GSG1L: variants seen among roughly 807,000 people sequenced by gnomAD.
The protein encoded by GSG1L is GSG1 like.
Under a neutral mutation model 42.1 loss-of-function variants are expected in GSG1L, and 24 were observed. That is an observed-to-expected ratio of 0.57 (90% CI 0.41 to 0.80). The LOEUF (loss-of-function observed/expected upper bound fraction) is 0.80, where lower values mean the gene tolerates loss of function less well. GSG1L is among the 30% of genes least tolerant of loss of function. GSG1L has a pLI of 0.00. For synonymous variants in GSG1L, 215 were observed against 203.5 expected (o/e 1.06, Z -0.48); for missense variants, 445 against 472.2 (o/e 0.94, Z 0.53).
intron 2 of GSG1L, among the ~76,000 whole-genome samples, chr16:27,931,060 T>C (rs1049357110): frequency 6.6e-6 from 1 of 152,168 alleles, no homozygotes; most frequent in African/African-American, 2.4e-5. Context: ...CCAGCTCTTT[T>C]CTTGAGCTGC....
intron 1 of GSG1L, among the ~76,000 whole-genome samples, chr16:28,021,164 C>T (rs1351428663): frequency 1.3e-5 from 2 of 152,138 alleles, no homozygotes; most frequent in Non-Finnish European, 2.9e-5. Context: ...GCGGGCTATG[C>T]AGGAAGCATG....
At chr16:27,798,411 C>T (rs1484197421) in intron 6 of GSG1L, among the ~76,000 whole-genome samples, 1 of 152,056 alleles carries the variant, frequency 6.6e-6, no homozygotes, top group African/African-American at 2.4e-5. Flanking sequence ...GAAGGGGGCA[C>T]AGCATTTCAT....
intron 1 of GSG1L, among the ~76,000 whole-genome samples, chr16:28,022,098 G>A (rs557463507): frequency 6.6e-6 from 1 of 152,268 alleles, no homozygotes; most frequent in Non-Finnish European, 1.5e-5. Flanking sequence ...GTAGGCTTAG[G>A]TGGCAAAATT....
chr16:28,038,353 G>A (rs205390), intron 1 of GSG1L, among the ~76,000 whole-genome samples: 38,756 of 151,984 alleles, frequency 0.26, 5,467 homozygotes, highest in South Asian at 0.49. Context: ...AGAAACTGAG[G>A]CTCCCAGAGG....
intron 1 of GSG1L, among the ~76,000 whole-genome samples, chr16:28,011,320 C>T (rs1383161313): frequency 2.0e-5 from 3 of 152,226 alleles, no homozygotes; most frequent in South Asian, 2.1e-4. Flanking sequence ...GGGCATCCTC[C>T]GCCCTGGGTT....
intron 4 of GSG1L, among the ~76,000 whole-genome samples, chr16:27,838,276 G>A (rs1046412554): frequency 6.6e-6 from 1 of 152,214 alleles, no homozygotes; most frequent in African/African-American, 2.4e-5. Context: ...GAAAAGGACA[G>A]ATATGAAAAC....
At chr16:27,961,830 G>C (rs1238946926) in intron 2 of GSG1L, among the ~76,000 whole-genome samples, 1 of 152,016 alleles carries the variant, frequency 6.6e-6, no homozygotes, top group Non-Finnish European at 1.5e-5. Flanking sequence ...GAGGCTGCTG[G>C]GGGGTAGGGA....
At chr16:28,022,115 T>G (rs1195929356) in intron 1 of GSG1L, among the ~76,000 whole-genome samples, 1 of 152,136 alleles carries the variant, frequency 6.6e-6, no homozygotes, top group African/African-American at 2.4e-5. Flanking sequence ...AATTATAAAG[T>G]GAGTCAAGGA....
At chr16:28,025,862 T>C (rs753738617) in intron 1 of GSG1L, among the ~76,000 whole-genome samples, 1 of 152,166 alleles carries the variant, frequency 6.6e-6, no homozygotes, top group Non-Finnish European at 1.5e-5. Context: ...AAGTGAAATG[T>C]GACCCAGAGC....
chr16:27,832,202 T>G (rs2083281388), intron 4 of GSG1L, among the ~76,000 whole-genome samples: 1 of 152,216 alleles, frequency 6.6e-6, no homozygotes, highest in Non-Finnish European at 1.5e-5. Context: ...CAAACAGCTG[T>G]AAGAAATGAT....
In GSG1L at chr16:27,807,533, G is replaced by A. The variant is rs770879565; in HGVS notation, c.852C>T (p.Ser284=). The change falls in exon 6 of 7, where the codon AGC becomes AGT. Residue 284 remains serine, a synonymous_variant. Coordinates refer to ENST00000447459, the MANE Select transcript of GSG1L (RefSeq NM_001109763.2). The part of the protein sequence containing the change: ...FRERMEKRDG[S]EEDFHLDCRH... ...GGCAGTCTAAGTGAAAGTCCTCCTC[G>A]CTCCCGTCCCTCTTCTCCATCCTGG... 1.1e-5 allele frequency: 18 copies of A among 1,611,980 alleles called. No homozygotes were observed. The East Asian group carries it at 1.6e-4, about 14-fold the overall frequency.
At chr16:27,807,696 G>T (rs1050473816) in intron 5 of GSG1L, 142 bp from the exon 6 acceptor site, 1 of 652,784 alleles carries the variant, frequency 1.5e-6, no homozygotes, top group Non-Finnish European at 2.6e-6. Flanking sequence ...CTGCCCTGGG[G>T]GATTTTGACC....
At chr16:27,948,328 G>A (rs931573817) in intron 2 of GSG1L, among the ~76,000 whole-genome samples, 1 of 151,682 alleles carries the variant, frequency 6.6e-6, no homozygotes, top group Non-Finnish European at 1.5e-5. Flanking sequence ...AGTGGGCCTG[G>A]CATGTTGCTA....
intron 5 of GSG1L, among the ~76,000 whole-genome samples, chr16:27,813,757 A>G (rs58819050): frequency 0.032 from 4,890 of 152,300 alleles, 171 homozygotes; most frequent in Admixed American, 0.078. Flanking sequence ...AGTGCCCCCA[A>G]TGGCGGGGCT....
chr16:27,940,798 G>A (rs377577739), intron 2 of GSG1L, among the ~76,000 whole-genome samples: 1 of 150,682 alleles, frequency 6.6e-6, no homozygotes, highest in African/African-American at 2.4e-5. Context: ...GCACATGTAT[G>A]CAGATGTAAC....
At position 28,036,466 on chromosome 16, in the gene GSG1L, CT is replaced by C. The variant is rs1340559123; in HGVS notation, c.349+26609del. Among the ~76,000 whole-genome samples, 18 of 151,488 alleles carry C rather than the reference CT, an allele frequency of 1.2e-4. No individual in the cohort carries two copies. In the South Asian group the frequency reaches 2.1e-3, roughly 18 times the overall value. On this transcript the variant is annotated intron_variant, in intron 1 of 6. Coordinates refer to ENST00000447459, the MANE Select transcript of GSG1L (RefSeq NM_001109763.2). ...AGTGGAGAAAGACTCCAGTTCCCCCCTGGTCTGGGGGACAACTCAGGCACGC... is the reference window on the plus strand; with the variant it reads ...AGTGGAGAAAGACTCCAGTTCCCCCCGGTCTGGGGGACAACTCAGGCACGC...
intron 2 of GSG1L, among the ~76,000 whole-genome samples, chr16:27,905,143 T>G (rs2084305914): frequency 6.6e-6 from 1 of 152,284 alleles, no homozygotes; most frequent in South Asian, 2.1e-4. Context: ...CATTTTTTTG[T>G]GCTAAAAATT....
chr16:28,045,436 G>A (rs547513038), intron 1 of GSG1L, among the ~76,000 whole-genome samples: 2 of 152,330 alleles, frequency 1.3e-5, no homozygotes, highest in East Asian at 3.9e-4. Context: ...AGCACTGTGG[G>A]AGGCCAAGGC....
At chr16:27,885,495 C>T (rs1364501240) in intron 2 of GSG1L, among the ~76,000 whole-genome samples, 2 of 152,100 alleles carry the variant, frequency 1.3e-5, no homozygotes, top group African/African-American at 4.8e-5. Context: ...GCAGGCTTGC[C>T]CTCAAGGGTC....
Sources: gnomAD v4.1 joint callset for allele counts (sites outside exome capture counted in the v4.1 genomes callset) on GRCh38, gnomAD v4.1.1 for gene constraint, MANE v1.5 for transcripts, NCBI Gene and HGNC (gene_info 2026-07-23, HGNC 2026-07-21) for gene names.